Variants in FSTL4 observed in about 807,000 individuals in gnomAD.
The protein encoded by FSTL4 is follistatin-related protein 4.
In FSTL4, 28 loss-of-function variants were observed where a neutral mutation model predicts 78.2. The ratio of observed to expected loss-of-function variants is 0.36; its 90% CI spans 0.27 to 0.49. The LOEUF is 0.49. FSTL4 is among the 20% of genes least tolerant of loss of function. The probability of loss-of-function intolerance (pLI) is 0.98; values close to 1 mark genes in which losing one functional copy is unlikely to be tolerated. For missense variants in FSTL4, 922 were observed against 1,084.9 expected (o/e 0.85, Z 2.11); for synonymous variants, 422 against 440.5 (o/e 0.96, Z 0.53).
intron 3 of FSTL4, among the ~76,000 whole-genome samples, chr5:133,408,563 A>C (rs1756418059): frequency 4.1e-5 from 1 of 24,136 alleles, no homozygotes; most frequent in Non-Finnish European, 7.3e-5. Context: ...CTCTTCACTG[A>C]GGCGGGGGTG....
At chr5:133,380,949 C>G (rs879322217) in intron 4 of FSTL4, among the ~76,000 whole-genome samples, 1 of 151,924 alleles carries the variant, frequency 6.6e-6, no homozygotes, top group Non-Finnish European at 1.5e-5. Context: ...AATCAATTAC[C>G]GTAATAAACA....
the FSTL4 span, among the ~76,000 whole-genome samples, chr5:133,687,891 T>C: frequency 6.6e-6 from 1 of 152,138 alleles, no homozygotes; most frequent in Admixed American, 6.5e-5. Flanking sequence ...TGCCTGCTGC[T>C]CCCATCCCCA....
chr5:133,567,296 G>T, intron 2 of FSTL4, 77 bp from the exon 3 acceptor site: 1 of 1,025,838 alleles, frequency 9.7e-7, no homozygotes, highest in Non-Finnish European at 1.5e-6. Flanking sequence ...CTCCTCTCTT[G>T]TTAGTCACAC....
chr5:133,296,581 T>C (rs570957941), intron 6 of FSTL4, among the ~76,000 whole-genome samples: 1 of 152,284 alleles, frequency 6.6e-6, no homozygotes, highest in Non-Finnish European at 1.5e-5. Context: ...CTTCCCCCAG[T>C]GACTGCGTGG....
chr5:133,639,455 C>T, the FSTL4 span, among the ~76,000 whole-genome samples: 1 of 152,166 alleles, frequency 6.6e-6, no homozygotes, highest in Admixed American at 6.5e-5. Context: ...ATGGGGTGAG[C>T]TTGGTGAGAC....
chr5:133,429,778 A>T (rs1012335868), intron 3 of FSTL4, among the ~76,000 whole-genome samples: 1 of 152,084 alleles, frequency 6.6e-6, no homozygotes, highest in Non-Finnish European at 1.5e-5. Flanking sequence ...TGAGGCATCC[A>T]CCTTCAGCAT....
chr5:133,312,343 T>C, intron 6 of FSTL4: 1 of 290,526 alleles, frequency 3.4e-6, no homozygotes, highest in Non-Finnish European at 6.4e-6. Context: ...TTCCTTCTCC[T>C]TCAGTCATAG....
the FSTL4 span, among the ~76,000 whole-genome samples, chr5:133,672,886 G>T: frequency 3.3e-5 from 5 of 152,226 alleles, no homozygotes; most frequent in African/African-American, 1.2e-4. Context: ...GCCTCAGGAA[G>T]TCCTGACGAC....
intron 2 of FSTL4, among the ~76,000 whole-genome samples, chr5:133,589,425 A>G (rs1040811752): frequency 1.3e-5 from 2 of 152,088 alleles, no homozygotes; most frequent in African/African-American, 4.8e-5. Context: ...TTAGTCCTCC[A>G]CCCACAGACA....
chr5:133,759,188 G>GA, the FSTL4 span, among the ~76,000 whole-genome samples: 1 of 152,112 alleles, frequency 6.6e-6, no homozygotes, highest in Non-Finnish European at 1.5e-5. Flanking sequence ...GGGAAATTCT[G>GA]AAAAGACTAA....
chr5:133,216,345 C>T (rs1467735945), intron 13 of FSTL4, among the ~76,000 whole-genome samples: 1 of 151,974 alleles, frequency 6.6e-6, no homozygotes, highest in East Asian at 1.9e-4. Flanking sequence ...GGCTGGAGTG[C>T]AGTGGTGTGA....
chr5:133,827,868 A>G, the FSTL4 span, among the ~76,000 whole-genome samples: 1 of 152,052 alleles, frequency 6.6e-6, no homozygotes, highest in Non-Finnish European at 1.5e-5. Context: ...TATAAGGATC[A>G]AGATTTGCCT....
chr5:133,517,097 A>G (rs1758867493), intron 3 of FSTL4, among the ~76,000 whole-genome samples: 1 of 151,080 alleles, frequency 6.6e-6, no homozygotes, highest in Non-Finnish European at 1.5e-5. Flanking sequence ...AATCGGCCTT[A>G]TAGCAAACAT....
At chr5:133,425,236 A>T (rs4386770) in intron 3 of FSTL4, among the ~76,000 whole-genome samples, 3,988 of 152,036 alleles carry the variant, frequency 0.026, 61 homozygotes, top group Non-Finnish European at 0.034. Context: ...CTAAAAAAAA[A>T]GGTACCTTAG....
chr5:133,621,125 G>C, the FSTL4 span, among the ~76,000 whole-genome samples: 3 of 152,192 alleles, frequency 2.0e-5, no homozygotes, highest in Admixed American at 6.5e-5. Context: ...ATTTGGCCGG[G>C]CTTGGTGGCT....
intron 4 of FSTL4, among the ~76,000 whole-genome samples, chr5:133,382,808 T>C (rs1755605531): frequency 6.6e-6 from 1 of 152,150 alleles, no homozygotes; most frequent in Non-Finnish European, 1.5e-5. Context: ...GTCACTTGTT[T>C]TAGATATGTG....
At chr5:133,221,917 T>TTTTTTTTTTTTTTTTTTTG (rs1751143390) in intron 11 of FSTL4, among the ~76,000 whole-genome samples, 1 of 124,968 alleles carries the variant, frequency 8.0e-6, no homozygotes, top group South Asian at 2.4e-4. Context: ...TTTTTTTTTT[T>TTTTTTTTTTTTTTTTTTTG]TTTTTTTTTT....
chr5:133,386,211 T>C (rs1755698205), intron 4 of FSTL4, among the ~76,000 whole-genome samples: 1 of 152,222 alleles, frequency 6.6e-6, no homozygotes, highest in Non-Finnish European at 1.5e-5. Context: ...TTTGAGTTAG[T>C]TGTTACCCTG....
intron 3 of FSTL4, among the ~76,000 whole-genome samples, chr5:133,408,163 C>G (rs1756402706): frequency 6.6e-6 from 1 of 152,178 alleles, no homozygotes; most frequent in African/African-American, 2.4e-5. Flanking sequence ...AGACGTAACC[C>G]TCTAGCCTGG....
Sources: gnomAD v4.1 joint callset for allele counts (sites outside exome capture counted in the v4.1 genomes callset) on GRCh38, gnomAD v4.1.1 for gene constraint, MANE v1.5 for transcripts, NCBI Gene and HGNC (gene_info 2026-07-23, HGNC 2026-07-21) for gene names.